The following ZNF514 variants were observed in gnomAD, a reference collection of about 807,000 sequenced individuals.
The protein encoded by ZNF514 is zinc finger protein 514.
Under a neutral mutation model 9.7 loss-of-function variants are expected in ZNF514, and 12 were observed. The observed-to-expected ratio is 1.24, with a 90% CI of 0.79 to 2.01. ZNF514 has a LOEUF of 2.01. ZNF514 is among the 30% of genes most tolerant of loss of function. The probability of loss-of-function intolerance (pLI) is 0.00; values close to 1 mark genes in which losing one functional copy is unlikely to be tolerated. For synonymous variants in ZNF514, 158 were observed against 163.7 expected (o/e 0.97, Z 0.27); for missense variants, 467 against 465.5 (o/e 1.00, Z -0.03).
chr2:95,141,692 G>A (rs1286899368), downstream of ZNF514, among the ~76,000 whole-genome samples: 2 of 152,142 alleles, frequency 1.3e-5, no homozygotes, highest in Non-Finnish European at 2.9e-5. Context: ...ACCTTATTGT[G>A]AGGGACATTA....
At chr2:95,156,664 T>C (rs1673694499) in intron 2 of ZNF514, among the ~76,000 whole-genome samples, 1 of 152,234 alleles carries the variant, frequency 6.6e-6, no homozygotes, top group African/African-American at 2.4e-5. Context: ...CCATAAATAA[T>C]AACTATTTTC....
Position 95,146,023 on chromosome 2 carries a change from T to C in ZNF514, c.*3259A>G, listed in dbSNP as rs1673350098. Among the ~76,000 whole-genome samples the C allele has an allele frequency of 6.6e-6, 1 of 152,204 alleles. No homozygotes were observed. Among genetic ancestry groups the C allele is most frequent in the African/African-American group, 2.4e-5 (1 of 41,452 alleles). On this transcript the variant is annotated 3_prime_UTR_variant, in exon 5 of 5. Transcript: ENST00000295208. ...TTTCTTATCAGACTTAAATCTATTT[T>C]GGCGTAAAACACTTTGATTTCTCTC...
the ZNF514 span, among the ~76,000 whole-genome samples, chr2:95,125,809 GAAT>G: frequency 6.6e-6 from 1 of 152,118 alleles, no homozygotes; most frequent in African/African-American, 2.4e-5. Flanking sequence ...TTAATATTAT[GAAT>G]AATATTCCAT....
At chr2:95,130,469 G>A in the ZNF514 span, among the ~76,000 whole-genome samples, 1 of 152,314 alleles carries the variant, frequency 6.6e-6, no homozygotes, top group East Asian at 1.9e-4. Flanking sequence ...AATAAGCCTG[G>A]GAGTGCTATG....
chr2:95,141,635 T>C (rs1673231751), downstream of ZNF514, among the ~76,000 whole-genome samples: 1 of 152,226 alleles, frequency 6.6e-6, no homozygotes, highest in African/African-American at 2.4e-5. Context: ...TGTTAAATCA[T>C]AAGATTTTGT....
intron 1 of ZNF514, 63 bp downstream of exon 1, chr2:95,159,177 C>A: frequency 2.7e-6 from 1 of 364,456 alleles, no homozygotes; most frequent in Non-Finnish European, 4.3e-6. Flanking sequence ...AACCCCGGTG[C>A]GCCCAGCGCG....
intron 2 of ZNF514, chr2:95,154,665 C>T (rs1673642984): frequency 6.6e-6 from 1 of 152,118 alleles, no homozygotes; most frequent in Non-Finnish European, 1.5e-5. Context: ...AAAATGAGCT[C>T]AAGAGTTTGT....
rs536541261 is a variant in ZNF514 at position 95,147,047 on chromosome 2, T to A, written c.*2235A>T. 8.5e-5 allele frequency among the ~76,000 whole-genome samples: 13 copies of A among 152,158 alleles called. No homozygotes were observed. Among genetic ancestry groups the A allele is most frequent in the South Asian group, 4.1e-4 (2 of 4,822 alleles). ...CTGAATTCTGGGCTCAACTTCCTCA[T>A]CTGGACTTTAAATGCTTAAAGTATT... On this transcript the variant is annotated 3_prime_UTR_variant, in exon 5 of 5. Transcript: ENST00000295208.
At chr2:95,126,216 C>T in the ZNF514 span, among the ~76,000 whole-genome samples, 1 of 151,530 alleles carries the variant, frequency 6.6e-6, no homozygotes, top group Non-Finnish European at 1.5e-5. Flanking sequence ...ACTAAAAATA[C>T]AAAAATTAGC....
At chr2:95,153,106 G>C (rs369821529) in intron 3 of ZNF514, 27 bp downstream of exon 3, 196 of 1,599,642 alleles carry the variant, frequency 1.2e-4, no homozygotes, top group Non-Finnish European at 1.6e-4. Flanking sequence ...AGTCCTGCTG[G>C]GTGGGCTTTG....
At chr2:95,130,416 A>G in the ZNF514 span, among the ~76,000 whole-genome samples, 1 of 152,198 alleles carries the variant, frequency 6.6e-6, no homozygotes, top group Admixed American at 6.5e-5. Context: ...TTTGAGATCA[A>G]CGGGTCTGAA....
At chr2:95,128,350 G>A in the ZNF514 span, among the ~76,000 whole-genome samples, 7 of 147,368 alleles carry the variant, frequency 4.8e-5, no homozygotes, top group African/African-American at 7.5e-5. Flanking sequence ...AGATCCCACC[G>A]TTGCACTCCA....
At chr2:95,128,775 AAGG>A in the ZNF514 span, among the ~76,000 whole-genome samples, 1 of 150,962 alleles carries the variant, frequency 6.6e-6, no homozygotes, top group Non-Finnish European at 1.5e-5. Context: ...GGAGAAAGAG[AAGG>A]AGGAGGAAGA....
chr2:95,157,328 G>A (rs1407175689), intron 2 of ZNF514, 23 bp downstream of exon 2: 4 of 1,282,390 alleles, frequency 3.1e-6, no homozygotes, highest in South Asian at 1.2e-5. Context: ...GGCATTTGAG[G>A]AAAAATTAAG....
In ZNF514 at chr2:95,159,678, CCAGCCCCCGCGTCCGCCCCG is replaced by C. The variant is rs1197159258; in HGVS notation, c.-554_-535del. 7.0e-4 allele frequency: 68 copies of C among 96,774 alleles called. No individual in the cohort carries two copies. The highest frequency in any genetic ancestry group is 2.6e-3 in the African/African-American group (61 of 23,410). The allele number at this position is 96,774 out of a possible 1,614,324, so 6.0% of individuals were successfully genotyped here. ...GCCAGCCCCCGCCCGCCACCCCGCG[CCAGCCCCCGCGTCCGCCCCG>C]CGCCAGCCCCCGCGTCCGCCCCGCG... is the stretch of plus-strand genomic sequence containing the variant. On this transcript the variant is annotated 5_prime_UTR_variant, in exon 1 of 5. Transcript: ENST00000295208.
intron 2 of ZNF514, chr2:95,154,142 A>C (rs1289776189): frequency 2.6e-5 from 4 of 152,376 alleles, no homozygotes; most frequent in Admixed American, 2.6e-4. Flanking sequence ...GGGCGATGTC[A>C]TCTGCTTTCT....
chr2:95,158,742 C>T, intron 1 of ZNF514: 1 of 1,102,268 alleles, frequency 9.1e-7, no homozygotes, highest in South Asian at 1.6e-5. Context: ...GCCATCCCCT[C>T]CACCTCCGCC....
chr2:95,125,921 G>T, the ZNF514 span, among the ~76,000 whole-genome samples: 1 of 152,182 alleles, frequency 6.6e-6, no homozygotes, highest in African/African-American at 2.4e-5. Context: ...CTGTGAACAT[G>T]AGTGTGCAGA....
intron 1 of ZNF514, among the ~76,000 whole-genome samples, chr2:95,158,678 G>C (rs571724108): frequency 3.9e-4 from 59 of 152,322 alleles, no homozygotes; most frequent in Non-Finnish European, 5.0e-4. Flanking sequence ...GCCGCAGCAG[G>C]AAGAGATCAG....
Sources: allele counts gnomAD v4.1 joint callset (sites outside exome capture counted in the v4.1 genomes callset), GRCh38; gene constraint gnomAD v4.1.1; transcripts MANE v1.5; gene names NCBI Gene and HGNC (gene_info 2026-07-23, HGNC 2026-07-21).